Variants in TMEM74 observed in about 807,000 individuals in gnomAD.
TMEM74 encodes the protein transmembrane protein 74.
TMEM74 carries 13 observed loss-of-function variants against 18.1 expected under a neutral mutation model. The ratio of observed to expected loss-of-function variants is 0.72; its 90% CI spans 0.47 to 1.14. The LOEUF is 1.14. Among genes scored for constraint, TMEM74 ranks in the 50% most tolerant of loss-of-function variants. TMEM74 has a pLI of 0.00. For synonymous variants in TMEM74, 159 were observed against 146.6 expected (o/e 1.08, Z -0.61); for missense variants, 372 against 375.9 (o/e 0.99, Z 0.09).
In TMEM74 at chr8:108,784,411, G is replaced by T. The variant is rs755393829; in HGVS notation, c.688C>A (p.Arg230Ser). ...AGGCAGAGCCCCGCAATCACACAGC[G>T]GTCCAGGTGAGCCCCCAGCCTCGCA... Reference protein sequence around the residue: ...ESARLGAHLDRCVIAGLCLLT... With the variant: ...ESARLGAHLDSCVIAGLCLLT... The change falls in exon 2 of 2, where the codon CGC becomes AGC. Residue 230 changes from arginine to serine, a missense_variant. Arg to Ser is a moderately radical substitution (Grantham distance 110, BLOSUM62 -1). Transcript: ENST00000297459. 3.1e-6 allele frequency: 5 copies of T among 1,614,082 alleles called. No homozygotes were observed. The highest frequency in any genetic ancestry group is 2.2e-5 in the South Asian group (2 of 91,068).
intron 1 of TMEM74, among the ~76,000 whole-genome samples, chr8:108,713,376 C>T (rs1813491896): frequency 6.6e-6 from 1 of 151,986 alleles, no homozygotes; most frequent in African/African-American, 2.4e-5. Context: ...AGTGGCAAAA[C>T]TTGACAAAGA....
intron 2 of TMEM74, among the ~76,000 whole-genome samples, chr8:108,614,513 TG>T (rs1563732443): frequency 1.3e-5 from 2 of 152,200 alleles, no homozygotes; most frequent in Admixed American, 1.3e-4. Flanking sequence ...CCAGAAAGAA[TG>T]ACCTAGAATA....
intron 1 of TMEM74, among the ~76,000 whole-genome samples, chr8:108,760,087 C>T (rs1235419560): frequency 1.3e-5 from 2 of 151,066 alleles, no homozygotes; most frequent in African/African-American, 4.9e-5. Flanking sequence ...GTAAGAGAAT[C>T]GCTTGAAGCT....
chr8:108,742,064 C>A (rs909289010), intron 1 of TMEM74, among the ~76,000 whole-genome samples: 13 of 152,074 alleles, frequency 8.5e-5, no homozygotes, highest in Non-Finnish European at 8.8e-5. Context: ...CTAAATACTG[C>A]ATGTTCTCCC....
chr8:108,659,254 A>AACACACACACACACACAAAC (rs6150751), intron 1 of TMEM74, among the ~76,000 whole-genome samples: 2 of 149,756 alleles, frequency 1.3e-5, no homozygotes, highest in African/African-American at 2.5e-5. Context: ...ATAGCCCACT[A>AACACACACACACACACAAAC]ACACACACAC....
At position 108,785,009 on chromosome 8, in the gene TMEM74, C is replaced by G. The variant is rs1257954776; in HGVS notation, c.90G>C (p.Gln30His). 1.2e-6 allele frequency: 2 copies of G among 1,614,146 alleles called. No individual in the cohort carries two copies. Among genetic ancestry groups the G allele is most frequent in the East Asian group, 4.5e-5 (2 of 44,870 alleles). Residue 30 changes from glutamine to histidine, a missense_variant, in exon 2 of 2, where the codon CAG becomes CAC. Coordinates refer to ENST00000297459, the MANE Select transcript of TMEM74 (RefSeq NM_153015.3). ...CAGCTCTTGTGGCTGCTGTATCTGC[C>G]TGGTCACCAGGCAGCCCTCTTGAAC... is the stretch of plus-strand genomic sequence containing the variant. Reference protein sequence around the residue: ...DWSSRGLPGDQADTAATRAAL... With the variant: ...DWSSRGLPGDHADTAATRAAL...
At chr8:108,692,126 C>T (rs1813238369) in intron 1 of TMEM74, among the ~76,000 whole-genome samples, 1 of 152,166 alleles carries the variant, frequency 6.6e-6, no homozygotes, top group African/African-American at 2.4e-5. Flanking sequence ...TCTAAGGTCA[C>T]ATAAAGCAGA....
intron 1 of TMEM74, among the ~76,000 whole-genome samples, chr8:108,757,945 C>T (rs1037680759): frequency 1.3e-5 from 2 of 151,922 alleles, no homozygotes; most frequent in African/African-American, 4.8e-5. Context: ...TTCTCCTGTG[C>T]TATCAAGAGA....
intron 1 of TMEM74, among the ~76,000 whole-genome samples, chr8:108,701,007 C>A (rs936717289): frequency 6.6e-6 from 1 of 152,038 alleles, no homozygotes; most frequent in African/African-American, 2.4e-5. Flanking sequence ...ACTAGCAAAT[C>A]AAATCCAGCA....
chr8:108,638,407 A>G (rs182858000), intron 2 of TMEM74, among the ~76,000 whole-genome samples: 1 of 152,082 alleles, frequency 6.6e-6, no homozygotes, highest in East Asian at 1.9e-4. Context: ...CTAACACTCT[A>G]TTTTGTTGTT....
chr8:108,764,491 C>A (rs1814079506), intron 1 of TMEM74, among the ~76,000 whole-genome samples: 1 of 152,068 alleles, frequency 6.6e-6, no homozygotes, highest in East Asian at 1.9e-4. Flanking sequence ...AGAGTAAATT[C>A]CTGGATGCCA....
intron 1 of TMEM74, among the ~76,000 whole-genome samples, chr8:108,678,672 T>A (rs899935110): frequency 6.7e-6 from 1 of 148,374 alleles, no homozygotes; most frequent in Admixed American, 6.7e-5. Context: ...TTAGGTTCTC[T>A]TTTTTTTTTC....
intron 1 of TMEM74, among the ~76,000 whole-genome samples, chr8:108,754,679 CTAGGTAGCTAGGTAGG>C (rs909620443): frequency 6.8e-6 from 1 of 147,730 alleles, no homozygotes; most frequent in Non-Finnish European, 1.5e-5. Flanking sequence ...AGCTAGGTAG[CTAGGTAGCTAGGTAGG>C]TAGACAGAGA....
At chr8:108,627,692 A>T (rs1812508211) in intron 2 of TMEM74, among the ~76,000 whole-genome samples, 1 of 151,986 alleles carries the variant, frequency 6.6e-6, no homozygotes, top group Non-Finnish European at 1.5e-5. Context: ...AAATATCCTA[A>T]ATGAGAGACC....
At chr8:108,645,935 T>A (rs561438774) in intron 2 of TMEM74, among the ~76,000 whole-genome samples, 9 of 152,184 alleles carry the variant, frequency 5.9e-5, no homozygotes, top group African/African-American at 1.9e-4. Flanking sequence ...ATAGGTTGAA[T>A]TGTAATGAAT....
chr8:108,673,055 C>T (rs1813019354), intron 1 of TMEM74, among the ~76,000 whole-genome samples: 1 of 152,184 alleles, frequency 6.6e-6, no homozygotes, highest in Non-Finnish European at 1.5e-5. Flanking sequence ...GTAAATAGAG[C>T]ATAACCTCAG....
At chr8:108,777,544 G>A (rs980098527), downstream of TMEM74, among the ~76,000 whole-genome samples, 9 of 151,936 alleles carry the variant, frequency 5.9e-5, no homozygotes, top group Non-Finnish European at 1.5e-5. Flanking sequence ...TTATAGGAAG[G>A]GTTCCTTATT....
chr8:108,681,192 A>G (rs1051432957), intron 1 of TMEM74, among the ~76,000 whole-genome samples: 4 of 152,224 alleles, frequency 2.6e-5, no homozygotes, highest in African/African-American at 9.6e-5. Flanking sequence ...GAACCAAAAA[A>G]GAGCCCGCAT....
At chr8:108,671,031 TAC>T (rs1813000349) in intron 1 of TMEM74, among the ~76,000 whole-genome samples, 1 of 152,116 alleles carries the variant, frequency 6.6e-6, no homozygotes, top group Non-Finnish European at 1.5e-5. Context: ...GTTGGAAAAA[TAC>T]AGTTTCATTA....
Sources: allele counts gnomAD v4.1 joint callset (sites outside exome capture counted in the v4.1 genomes callset), GRCh38; gene constraint gnomAD v4.1.1; transcripts MANE v1.5; gene names NCBI Gene and HGNC (gene_info 2026-07-23, HGNC 2026-07-21).